Variants in SLC5A10 observed in about 807,000 individuals in gnomAD.
SLC5A10 encodes sodium/mannose cotransporter SLC5A10.
Under a neutral mutation model 68.9 loss-of-function variants are expected in SLC5A10, and 55 were observed. The ratio of observed to expected loss-of-function variants is 0.80; its 90% CI spans 0.64 to 1.00. The LOEUF (loss-of-function observed/expected upper bound fraction) is 1.00, where lower values mean the gene tolerates loss of function less well. SLC5A10 is among the 50% of genes least tolerant of loss of function. The probability of loss-of-function intolerance (pLI) is 0.00; values close to 1 mark genes in which losing one functional copy is unlikely to be tolerated. For synonymous variants in SLC5A10, 344 were observed against 344.8 expected (o/e 1.00, Z 0.02); for missense variants, 732 against 819.3 (o/e 0.89, Z 1.30).
Position 18,969,412 on chromosome 17 carries a change from G to A in SLC5A10, c.630G>A (p.Leu210=), listed in dbSNP as rs748376318. The change falls in exon 7 of 15, where the codon CTG becomes CTA. Residue 210 remains leucine (L), a synonymous_variant. Coordinates refer to ENST00000395645, the MANE Select transcript of SLC5A10 (RefSeq NM_001042450.4). ...TCATGGTGGTGGGGGCTGTCATCCT[G>A]ACAATCAAAGGTGAGGACAGAGTCT... ...TLIMVVGAVI[L]TIKAFDQIGG... The A allele has an allele frequency of 2.4e-5, 39 of 1,613,606 alleles. No individual in the cohort carries two copies. Among genetic ancestry groups the A allele is most frequent in the Non-Finnish European group, 3.3e-5 (39 of 1,179,936 alleles).
At position 18,959,184 on chromosome 17, in the gene SLC5A10, G is replaced by A. The variant is rs2042564352; in HGVS notation, c.233G>A (p.Gly78Glu). 1.9e-6 allele frequency: 3 copies of A among 1,613,612 alleles called. No homozygotes were observed. In the South Asian group the frequency reaches 3.3e-5, roughly 18 times the overall value. Residue 78 changes from glycine (G) to glutamate (E), a missense_variant, in exon 3 of 15, where the codon GGA (glycine) becomes GAA (glutamate). Transcript: ENST00000395645. ...AGCGAGGGCTCTGGCCTCTTCATTG[G>A]ACTGGCGGGCTCAGGCGCGGCAGGA... ...ASSEGSGLFI[G>E]LAGSGAAGGL...
At position 19,017,144 on chromosome 17, in the gene SLC5A10, A is replaced by G. The variant is rs1441880377; in HGVS notation, c.1241+1945A>G. 1.4e-6 allele frequency: 1 copy of G among 704,536 alleles called. No individual in the cohort carries two copies. The highest frequency in any genetic ancestry group is 2.4e-6 in the Non-Finnish European group (1 of 421,570). 43.6% of individuals were successfully genotyped at this position (704,536 alleles called of 1,614,324 possible). ...CTGGCAGTCGGCCTCCCTGAGGAGCAAGGCACAAGGCTGCGTGGTGCAGGG... is the reference window on the plus strand; with the variant it reads ...CTGGCAGTCGGCCTCCCTGAGGAGCGAGGCACAAGGCTGCGTGGTGCAGGG... On this transcript the variant is annotated intron_variant, in intron 11 of 14. Coordinates refer to ENST00000395645, the MANE Select transcript of SLC5A10 (RefSeq NM_001042450.4). The surrounding 1 kb of genome is among the most constrained non-coding windows in gnomAD (Gnocchi z 5.6).
rs892977709 is a variant in SLC5A10, at chr17:19,018,436, G to C, written c.1242-987G>C. On this transcript the variant is annotated intron_variant, in intron 11 of 14. Transcript: ENST00000395645. This position sits in a 1 kb window ranked among gnomAD's most constrained non-coding sequence, Gnocchi z 4.2. ...CCTAGATTGATGTTTCCTCTGAGCTGCTCCAGCCCAGTCCGAGTGTAGGTA... is the reference window on the plus strand; with the variant it reads ...CCTAGATTGATGTTTCCTCTGAGCTCCTCCAGCCCAGTCCGAGTGTAGGTA... The C allele has an allele frequency of 1.3e-5, 2 of 152,304 alleles. No individual in the cohort carries two copies. Among genetic ancestry groups the C allele is most frequent in the Non-Finnish European group, 2.9e-5 (2 of 68,082 alleles). 9.4% of individuals were successfully genotyped at this position (152,304 alleles called of 1,614,324 possible).
rs2044261730 is a variant in SLC5A10, at chr17:19,021,294, A to G, written c.*863A>G. The G allele has an allele frequency of 6.6e-6, 1 of 152,440 alleles. No homozygotes were observed. The highest frequency in any genetic ancestry group is 1.5e-5 in the Non-Finnish European group (1 of 68,250). 9.4% of individuals were successfully genotyped at this position (152,440 alleles called of 1,614,324 possible). ...GCTTGCCCTCAGAGCTCACCTGTCC[A>G]ACAGAAGAGGAGTGTGCCTCCACCT... On this transcript the variant is annotated 3_prime_UTR_variant, in exon 15 of 15. Coordinates refer to ENST00000395645, the MANE Select transcript of SLC5A10 (RefSeq NM_001042450.4). This position sits in a 1 kb window ranked among gnomAD's most constrained non-coding sequence, Gnocchi z 4.1.
intron 9 of SLC5A10, among the ~76,000 whole-genome samples, chr17:18,997,892 C>T (rs2043608504): frequency 1.3e-5 from 2 of 152,226 alleles, no homozygotes; most frequent in Admixed American, 1.3e-4. Context: ...CACTTTTTCC[C>T]ATTTAAATCT....
rs2044162072 is a variant in SLC5A10, at chr17:19,017,353, A to T, written c.1242-2070A>T. ...GCTTCCTCCTGCCCGAAACACCACC[A>T]TTGGAGCGGTATCTCCTAGGCCTCG... On this transcript the variant is annotated intron_variant, in intron 11 of 14. Coordinates refer to ENST00000395645, the MANE Select transcript of SLC5A10 (RefSeq NM_001042450.4). The surrounding 1 kb of genome is among the most constrained non-coding windows in gnomAD (Gnocchi z 5.6). The T allele has an allele frequency of 3.2e-6, 5 of 1,551,824 alleles. No homozygotes were observed. In the Admixed American group the frequency reaches 9.8e-5, roughly 30 times the overall value.
rs2044279038 is a variant in SLC5A10 at position 19,022,410 on chromosome 17, A to G, written c.*1979A>G. On this transcript the variant is annotated 3_prime_UTR_variant, in exon 15 of 15. Coordinates refer to ENST00000395645, the MANE Select transcript of SLC5A10 (RefSeq NM_001042450.4). ...GCTGGGACAATAGGGCTGGTGGGTC[A>G]GGGGACCTGAGTCCTGGTCCTTAGG... The G allele has an allele frequency of 2.7e-6, 1 of 373,204 alleles. No individual in the cohort carries two copies. Among genetic ancestry groups the G allele is most frequent in the Non-Finnish European group, 4.8e-6 (1 of 209,938 alleles). The allele number at this position is 373,204 out of a possible 1,614,324, so 23.1% of individuals were successfully genotyped here. A position where few individuals can be genotyped will look rare whatever the true frequency, so the allele number is the denominator to read the frequency against.
chr17:18,978,542 C>T, intron 9 of SLC5A10: 2 of 1,613,282 alleles, frequency 1.2e-6, no homozygotes, highest in Non-Finnish European at 1.7e-6. Flanking sequence ...GCCTTTCAGC[C>T]CCAGGGGCTT....
rs2043564832 is a variant in SLC5A10 at position 18,996,091 on chromosome 17, C to T, written c.983-17319C>T. Among the ~76,000 whole-genome samples the T allele has an allele frequency of 6.6e-6, 1 of 151,238 alleles. No homozygotes were observed. Among genetic ancestry groups the T allele is most frequent in the African/African-American group, 2.4e-5 (1 of 41,052 alleles). ...GTAAGTGGACTTCTCATCAGAATCA[C>T]TGCAAGCCACAAGACAACAGGCAAT... On this transcript the variant is annotated intron_variant, in intron 9 of 14. Transcript: ENST00000395645. The surrounding 1 kb of genome is among the most constrained non-coding windows in gnomAD (Gnocchi z 4.4).
At position 18,989,353 on chromosome 17, in the gene SLC5A10, C is replaced by T. The variant is rs868799406; in HGVS notation, c.982+12364C>T. Reference sequence around the variant, plus strand: ...ATGCGGAGATTCAGGGTGGTGGAGGCGGCCTGGAGCCTGCTGGGGATGTGT... The same window carrying T: ...ATGCGGAGATTCAGGGTGGTGGAGGTGGCCTGGAGCCTGCTGGGGATGTGT... On this transcript the variant is annotated intron_variant, in intron 9 of 14. Coordinates refer to ENST00000395645, the MANE Select transcript of SLC5A10 (RefSeq NM_001042450.4). 3.9e-5 allele frequency among the ~76,000 whole-genome samples: 6 copies of T among 152,308 alleles called. 1 individual carries two copies. The South Asian group carries it at 1.0e-3, about 26-fold the overall frequency.
rs568596078 is a variant in SLC5A10 at position 19,017,100 on chromosome 17, C to T, written c.1241+1901C>T. 8.0e-4 allele frequency among the ~76,000 whole-genome samples: 122 copies of T among 152,368 alleles called. No individual in the cohort carries two copies. Among genetic ancestry groups the T allele is most frequent in the African/African-American group, 2.3e-3 (96 of 41,582 alleles). On this transcript the variant is annotated intron_variant, in intron 11 of 14. Transcript: ENST00000395645. The surrounding 1 kb of genome is among the most constrained non-coding windows in gnomAD (Gnocchi z 5.6). ...CCACCTCTTCTGCCAAGTCAACCCC[C>T]GCCCCTAGCCCTGCAAGCCTGGCAG...
intron 9 of SLC5A10, among the ~76,000 whole-genome samples, chr17:19,011,357 G>C (rs11654290): frequency 3.3e-5 from 5 of 152,134 alleles, no homozygotes; most frequent in Non-Finnish European, 7.4e-5. Flanking sequence ...GTCTGCAAAG[G>C]CATGGAGGCG....
At chr17:18,992,525 G>T (rs1421395704) in intron 9 of SLC5A10, among the ~76,000 whole-genome samples, 1 of 152,222 alleles carries the variant, frequency 6.6e-6, no homozygotes, top group Non-Finnish European at 1.5e-5. Flanking sequence ...CTGGCGTTGG[G>T]GGTGGGACAG....
Position 19,019,736 on chromosome 17 carries a change from A to G in SLC5A10, c.1434A>G (p.Ala478=), listed in dbSNP as rs775900266. Reference sequence around the variant, plus strand: ...AGGGGGCCTTCTGGGGCCTGATAGCAGGGCTGGTGGTGGGGGCCACGAGGC... The same window carrying G: ...AGGGGGCCTTCTGGGGCCTGATAGCGGGGCTGGTGGTGGGGGCCACGAGGC... ...NEQGAFWGLI[A]GLVVGATRLV... The change falls in exon 13 of 15, where the codon GCA becomes GCG. Residue 478 remains alanine (A), a synonymous_variant. Coordinates refer to ENST00000395645, the MANE Select transcript of SLC5A10 (RefSeq NM_001042450.4). 3 of 1,611,896 alleles carry G rather than the reference A, an allele frequency of 1.9e-6. No individual in the cohort carries two copies. In the South Asian group the frequency reaches 3.3e-5, roughly 18 times the overall value.
intron 1 of SLC5A10, among the ~76,000 whole-genome samples, chr17:18,956,499 C>CAG (rs1597811166): frequency 8.7e-6 from 1 of 114,998 alleles, no homozygotes; most frequent in Non-Finnish European, 1.6e-5. Flanking sequence ...TGTTTTGAGA[C>CAG]AGAGTCTTGC....
At chr17:18,999,284 A>G (rs75256490) in intron 9 of SLC5A10, among the ~76,000 whole-genome samples, 2 of 144,484 alleles carry the variant, frequency 1.4e-5, no homozygotes, top group African/African-American at 2.6e-5. Flanking sequence ...TCTCAAGAAG[A>G]AAAAAAAAAA....
At chr17:18,978,147 G>T (rs1443156558) in intron 9 of SLC5A10, 4 of 1,530,022 alleles carry the variant, frequency 2.6e-6, no homozygotes, top group Middle Eastern at 1.8e-4. Context: ...ACTGTCCGGG[G>T]CTTGGGCACG....
In SLC5A10 at chr17:19,021,248, C is replaced by T. The variant is rs1264934987; in HGVS notation, c.*817C>T. On this transcript the variant is annotated 3_prime_UTR_variant, in exon 15 of 15. Coordinates refer to ENST00000395645, the MANE Select transcript of SLC5A10 (RefSeq NM_001042450.4). This position sits in a 1 kb window ranked among gnomAD's most constrained non-coding sequence, Gnocchi z 4.1. ...AAACAAGAGCCAGGGCAGCCAGGGTCTCTGCGTGGCTGGGCCCAGGGCTTG... is the reference window on the plus strand; with the variant it reads ...AAACAAGAGCCAGGGCAGCCAGGGTTTCTGCGTGGCTGGGCCCAGGGCTTG... 1.3e-5 allele frequency: 2 copies of T among 152,364 alleles called. No homozygotes were observed. The highest frequency in any genetic ancestry group is 2.4e-5 in the African/African-American group (1 of 41,472). 9.4% of individuals were successfully genotyped at this position (152,364 alleles called of 1,614,324 possible).
chr17:19,021,774 C>G lies in SLC5A10; in HGVS notation c.*1343C>G. 1 of 488,376 alleles carries G rather than the reference C, an allele frequency of 2.0e-6. No individual in the cohort carries two copies. Among genetic ancestry groups the G allele is most frequent in the Non-Finnish European group, 3.3e-6 (1 of 302,954 alleles). The allele number at this position is 488,376 out of a possible 1,614,324, so 30.3% of individuals were successfully genotyped here. On this transcript the variant is annotated 3_prime_UTR_variant, in exon 15 of 15. Transcript: ENST00000395645. This position sits in a 1 kb window ranked among gnomAD's most constrained non-coding sequence, Gnocchi z 4.1. ...CCCCGGAGCTACCCTTGCTGGGTACCCTTGCTGGGGGACCTGGGCCATCCC... is the reference window on the plus strand; with the variant it reads ...CCCCGGAGCTACCCTTGCTGGGTACGCTTGCTGGGGGACCTGGGCCATCCC...
Sources: allele counts gnomAD v4.1 joint callset (sites outside exome capture counted in the v4.1 genomes callset), GRCh38; gene constraint gnomAD v4.1.1; non-coding constraint Gnocchi (gnomAD v3.1); transcripts MANE v1.5; gene names NCBI Gene and HGNC (gene_info 2026-07-23, HGNC 2026-07-21).